Variants in FHIT observed in about 807,000 individuals in gnomAD.
The protein encoded by FHIT is bis(5'-adenosyl)-triphosphatase.
In FHIT, 19 loss-of-function variants were observed where a neutral mutation model predicts 17.9. The ratio of observed to expected loss-of-function variants is 1.06; its 90% CI spans 0.74 to 1.56. FHIT has a LOEUF of 1.56. Ranked by LOEUF, FHIT falls within the 40% of genes most tolerant of loss-of-function variation. The pLI, the probability that FHIT is intolerant of heterozygous loss-of-function variation, is 0.00. For synonymous variants in FHIT, 81 were observed against 69.7 expected (o/e 1.16, Z -0.81); for missense variants, 248 against 189.2 (o/e 1.31, Z -1.82).
chr3:59,880,737 A>G (rs770476422), intron 8 of FHIT, among the ~76,000 whole-genome samples: 6 of 152,250 alleles, frequency 3.9e-5, no homozygotes, highest in Non-Finnish European at 5.9e-5. Context: ...TGCTGTTTTT[A>G]TAAGAGCAAG....
intron 4 of FHIT, among the ~76,000 whole-genome samples, chr3:60,793,368 T>A: frequency 6.6e-6 from 1 of 151,796 alleles, no homozygotes. Flanking sequence ...GTGGGCAAGA[T>A]CTCAGCTCAC....
At chr3:60,252,361 T>G (rs370835431) in intron 5 of FHIT, among the ~76,000 whole-genome samples, 1 of 151,962 alleles carries the variant, frequency 6.6e-6, no homozygotes, top group African/African-American at 2.4e-5. Context: ...CTGGGCAACA[T>G]AGCGAAACCC....
chr3:61,049,047 G>T (rs1008442740), intron 2 of FHIT, among the ~76,000 whole-genome samples: 5 of 151,880 alleles, frequency 3.3e-5, no homozygotes, highest in African/African-American at 9.7e-5. Context: ...AATGGGTGCA[G>T]CACATCAACA....
chr3:60,036,493 C>A (rs1246224396), intron 5 of FHIT, among the ~76,000 whole-genome samples: 2 of 152,014 alleles, frequency 1.3e-5, no homozygotes, highest in Non-Finnish European at 2.9e-5. Flanking sequence ...CCAAAGACTT[C>A]GAATACCCTG....
chr3:60,271,598 C>T (rs1466979596), intron 5 of FHIT, among the ~76,000 whole-genome samples: 1 of 152,138 alleles, frequency 6.6e-6, no homozygotes. Context: ...ACTGCTGTCT[C>T]TATGCACTAT....
chr3:61,016,738 C>T (rs928103295), intron 3 of FHIT, among the ~76,000 whole-genome samples: 1 of 152,196 alleles, frequency 6.6e-6, no homozygotes, highest in East Asian at 1.9e-4. Context: ...AAATTTGGCT[C>T]CCCAGAGCAT....
chr3:60,628,285 C>T (rs1243541467), intron 4 of FHIT, among the ~76,000 whole-genome samples: 1 of 152,070 alleles, frequency 6.6e-6, no homozygotes, highest in Non-Finnish European at 1.5e-5. Context: ...TCTAATTTCA[C>T]CTTATTGTAG....
intron 5 of FHIT, among the ~76,000 whole-genome samples, chr3:60,338,047 A>G (rs1710328356): frequency 6.6e-6 from 1 of 152,050 alleles, no homozygotes; most frequent in Admixed American, 6.6e-5. Context: ...TTTTTTTCCC[A>G]TTTATGTAGA....
intron 4 of FHIT, among the ~76,000 whole-genome samples, chr3:60,725,242 G>T (rs893125415): frequency 5.3e-5 from 8 of 152,068 alleles, no homozygotes; most frequent in Admixed American, 2.6e-4. Flanking sequence ...TTGTGGGTTA[G>T]TTTTATTATT....
chr3:60,275,962 A>G (rs1707108675), intron 5 of FHIT, among the ~76,000 whole-genome samples: 1 of 151,302 alleles, frequency 6.6e-6, no homozygotes, highest in Admixed American at 6.6e-5. Context: ...GATAAGTTTA[A>G]GCAGTAGTTT....
intron 2 of FHIT, among the ~76,000 whole-genome samples, chr3:61,046,913 G>T (rs1460124717): frequency 6.6e-6 from 1 of 152,218 alleles, no homozygotes; most frequent in East Asian, 1.9e-4. Context: ...CTGACTAGAC[G>T]CAGAAAAAGC....
intron 1 of FHIT, among the ~76,000 whole-genome samples, chr3:61,229,483 C>G (rs2040047789): frequency 6.6e-6 from 1 of 152,158 alleles, no homozygotes; most frequent in Admixed American, 6.5e-5. Context: ...AAATTTGTAG[C>G]AATTGGTTAC....
In FHIT at chr3:60,288,814, A is replaced by T. The variant is rs142926516; in HGVS notation, c.103+248046T>A. Among the ~76,000 whole-genome samples, 257 of 152,330 alleles carry T rather than the reference A, an allele frequency of 1.7e-3. 2 individuals are homozygous for T. The highest frequency in any genetic ancestry group is 5.9e-3 in the African/African-American group (247 of 41,572). On this transcript the variant is annotated intron_variant, in intron 5 of 9. Coordinates refer to ENST00000492590, the MANE Select transcript of FHIT (RefSeq NM_002012.4). ...TTCTTTATTAAGACATTATACAATG[A>T]AACCCAATGGAAGCTTTAACAACTA...
chr3:60,561,445 G>T (rs561323205), intron 4 of FHIT, among the ~76,000 whole-genome samples: 1 of 151,768 alleles, frequency 6.6e-6, no homozygotes, highest in East Asian at 1.9e-4. Flanking sequence ...GCTAGTCAAA[G>T]AATGTTTGAG....
At chr3:60,590,649 G>A (rs549134521) in intron 4 of FHIT, among the ~76,000 whole-genome samples, 2 of 152,240 alleles carry the variant, frequency 1.3e-5, no homozygotes, top group African/African-American at 4.8e-5. Context: ...CAACTTCTGT[G>A]TGCATGCCTA....
intron 5 of FHIT, among the ~76,000 whole-genome samples, chr3:60,014,964 T>C (rs563310393): frequency 6.6e-6 from 1 of 151,636 alleles, no homozygotes; most frequent in East Asian, 1.9e-4. Flanking sequence ...TAATATTCAC[T>C]GTTACACCAT....
chr3:60,758,917 T>C (rs1431894348), intron 4 of FHIT, among the ~76,000 whole-genome samples: 1 of 151,882 alleles, frequency 6.6e-6, no homozygotes, highest in East Asian at 1.9e-4. Flanking sequence ...AAAGACAGAG[T>C]AGGCCTTTCT....
chr3:60,919,399 G>T (rs1559828859), intron 3 of FHIT, among the ~76,000 whole-genome samples: 5 of 144,424 alleles, frequency 3.5e-5, no homozygotes, highest in African/African-American at 1.3e-4. Flanking sequence ...CACAACCACA[G>T]TTTTTTTTTT....
intron 2 of FHIT, among the ~76,000 whole-genome samples, chr3:61,195,453 A>G (rs966446216): frequency 6.6e-6 from 1 of 152,150 alleles, no homozygotes; most frequent in Non-Finnish European, 1.5e-5. Flanking sequence ...ATGATGATGA[A>G]GATGATAATG....
Sources: gnomAD v4.1 joint callset for allele counts (sites outside exome capture counted in the v4.1 genomes callset) on GRCh38, gnomAD v4.1.1 for gene constraint, MANE v1.5 for transcripts, NCBI Gene and HGNC (gene_info 2026-07-23, HGNC 2026-07-21) for gene names.